Variants in OCA2 observed in about 807,000 individuals in gnomAD.
OCA2 encodes the protein OCA2 melanosomal transmembrane protein, also known as P protein.
OCA2 carries 77 observed loss-of-function variants against 100.2 expected under a neutral mutation model. The observed-to-expected ratio is 0.77, with a 90% CI of 0.64 to 0.93. OCA2 has a LOEUF of 0.93. OCA2 is among the 40% of genes least tolerant of loss of function. The pLI, the probability that OCA2 is intolerant of heterozygous loss-of-function variation, is 0.00. For synonymous variants in OCA2, 432 were observed against 439.2 expected (o/e 0.98, Z 0.21); for missense variants, 1,062 against 1,089.1 (o/e 0.98, Z 0.35).
chr15:27,854,701 G>A (rs2035890209), intron 21 of OCA2, among the ~76,000 whole-genome samples: 1 of 152,174 alleles, frequency 6.6e-6, no homozygotes, highest in African/African-American at 2.4e-5. Flanking sequence ...TGAGCGAAGT[G>A]CAACTTCTCA....
At chr15:27,728,700 TAGAA>T in the OCA2 span, among the ~76,000 whole-genome samples, 8 of 152,198 alleles carry the variant, frequency 5.3e-5, no homozygotes, top group Admixed American at 3.3e-4. Context: ...AGGGCATTGT[TAGAA>T]AGAGGAAGAG....
chr15:27,765,813 A>G (rs2151010156), intron 23 of OCA2, among the ~76,000 whole-genome samples: 1 of 152,338 alleles, frequency 6.6e-6, no homozygotes. Context: ...GTGTATAATG[A>G]GCAGTGCGAA....
At chr15:27,855,487 G>A (rs549472094) in intron 21 of OCA2, among the ~76,000 whole-genome samples, 143 of 152,216 alleles carry the variant, frequency 9.4e-4, no homozygotes, top group African/African-American at 3.0e-3. Flanking sequence ...ATAGCCTCCC[G>A]CTCAGCCCAT....
At chr15:27,786,179 C>G (rs968008086) in intron 23 of OCA2, among the ~76,000 whole-genome samples, 16 of 152,176 alleles carry the variant, frequency 1.1e-4, no homozygotes, top group Non-Finnish European at 1.9e-4. Context: ...GCCTCTATTA[C>G]AGTAGCTTCA....
chr15:27,977,862 C>T (rs916197392), intron 14 of OCA2, among the ~76,000 whole-genome samples: 5 of 152,130 alleles, frequency 3.3e-5, no homozygotes, highest in Admixed American at 2.0e-4. Context: ...AGTGAGAGAG[C>T]GGCCATCTGC....
chr15:27,800,744 T>G (rs114478805), intron 23 of OCA2, among the ~76,000 whole-genome samples: 3,434 of 151,396 alleles, frequency 0.023, 117 homozygotes, highest in African/African-American at 0.078. Flanking sequence ...GTGGACAGAT[T>G]GCTTGAACCC....
rs531037991 is a variant in OCA2 at position 28,088,182 on chromosome 15, T to C, written c.-21-6287A>G. ...ATTCTGTCATCTACTGTTGATAGCA[T>C]GCTATTGAATAACATTTATACGTAG... On this transcript the variant is annotated intron_variant, in intron 1 of 23. Transcript: ENST00000354638. Among the ~76,000 whole-genome samples, 3 of 152,374 alleles carry C rather than the reference T, an allele frequency of 2.0e-5. No individual in the cohort carries two copies. The East Asian group carries it at 5.8e-4, about 29-fold the overall frequency.
chr15:28,004,262 A>G (rs2042021091), intron 9 of OCA2, among the ~76,000 whole-genome samples: 1 of 152,152 alleles, frequency 6.6e-6, no homozygotes, highest in Non-Finnish European at 1.5e-5. Flanking sequence ...GCCCCCTCTC[A>G]GCCCCCCTGC....
At chr15:27,760,514 A>G (rs1032514307) in intron 23 of OCA2, among the ~76,000 whole-genome samples, 23 of 151,968 alleles carry the variant, frequency 1.5e-4, no homozygotes, top group African/African-American at 3.4e-4. Flanking sequence ...AGAAAAACCA[A>G]TGAAACAAAG....
chr15:28,068,583 C>A (rs1209948860), intron 2 of OCA2, among the ~76,000 whole-genome samples: 1 of 152,256 alleles, frequency 6.6e-6, no homozygotes, highest in African/African-American at 2.4e-5. Flanking sequence ...TCTGCCCCAA[C>A]TCACTCTATT....
At chr15:28,031,133 A>G (rs1245522285) in intron 3 of OCA2, among the ~76,000 whole-genome samples, 1 of 152,098 alleles carries the variant, frequency 6.6e-6, no homozygotes, top group African/African-American at 2.4e-5. Context: ...TAACTCATAA[A>G]CCAGCCATGT....
intron 2 of OCA2, among the ~76,000 whole-genome samples, chr15:28,054,285 T>C (rs1011020118): frequency 1.3e-5 from 2 of 152,216 alleles, no homozygotes; most frequent in Admixed American, 6.5e-5. Flanking sequence ...TGTGCATGCA[T>C]GTACACATGT....
In OCA2 at chr15:28,064,394, T is replaced by C. The variant is rs115539256; in HGVS notation, c.227+17254A>G. Among the ~76,000 whole-genome samples, 825 of 151,274 alleles carry C rather than the reference T, an allele frequency of 5.5e-3. 9 individuals are homozygous for C. Among genetic ancestry groups the C allele is most frequent in the African/African-American group, 0.019 (766 of 41,334 alleles). ...CTCTCTTCTCTGTCTGGAACACCCA[T>C]AATGTGTATGTTGTACTATTTGATG... On this transcript the variant is annotated intron_variant, in intron 2 of 23. Transcript: ENST00000354638.
At chr15:28,062,119 G>A (rs2043891392) in intron 2 of OCA2, among the ~76,000 whole-genome samples, 3 of 152,226 alleles carry the variant, frequency 2.0e-5, no homozygotes, top group Admixed American at 2.0e-4. Flanking sequence ...GCAACTCCAT[G>A]CTGAACAGTT....
intron 6 of OCA2, among the ~76,000 whole-genome samples, chr15:28,019,311 G>A (rs758390575): frequency 3.3e-5 from 5 of 151,596 alleles, no homozygotes; most frequent in Non-Finnish European, 5.9e-5. Context: ...AAGAAGAGCA[G>A]GAAGGGAGGG....
At chr15:28,092,779 G>T (rs1319912479) in intron 1 of OCA2, among the ~76,000 whole-genome samples, 1 of 152,068 alleles carries the variant, frequency 6.6e-6, no homozygotes. Context: ...TGCAGAAAAA[G>T]CATTTAACAA....
chr15:28,016,692 G>T (rs1411438625), intron 7 of OCA2, among the ~76,000 whole-genome samples: 2 of 152,030 alleles, frequency 1.3e-5, no homozygotes, highest in Non-Finnish European at 2.9e-5. Flanking sequence ...GAGGCGGGAG[G>T]ATCCTGTGAG....
intron 23 of OCA2, among the ~76,000 whole-genome samples, chr15:27,838,034 G>T (rs927097594): frequency 6.6e-6 from 1 of 152,096 alleles, no homozygotes; most frequent in Admixed American, 6.5e-5. Flanking sequence ...TGACTGCCCC[G>T]TGCAAGGCTT....
chr15:27,796,368 A>G lies in OCA2; in HGVS notation c.2433-40896T>C, dbSNP rs576098964. 5.9e-5 allele frequency among the ~76,000 whole-genome samples: 9 copies of G among 152,396 alleles called. No individual in the cohort carries two copies. The South Asian group carries it at 1.9e-3, about 32-fold the overall frequency. ...AGGGGCATGAGCAAGCCCCTGTCCCACGTGGACACCAGCACCCTTACCTGG... is the reference window on the plus strand; with the variant it reads ...AGGGGCATGAGCAAGCCCCTGTCCCGCGTGGACACCAGCACCCTTACCTGG... On this transcript the variant is annotated intron_variant, in intron 23 of 23. Coordinates refer to ENST00000354638, the MANE Select transcript of OCA2 (RefSeq NM_000275.3).
Sources: allele counts gnomAD v4.1 joint callset (sites outside exome capture counted in the v4.1 genomes callset), GRCh38; gene constraint gnomAD v4.1.1; transcripts MANE v1.5; gene names NCBI Gene and HGNC (gene_info 2026-07-23, HGNC 2026-07-21).